Variants in TNS1 observed in about 807,000 individuals in gnomAD.
The protein encoded by TNS1 is tensin-1.
In TNS1, 62 loss-of-function variants were observed where a neutral mutation model predicts 168.6. The ratio of observed to expected loss-of-function variants is 0.37; its 90% confidence interval spans 0.30 to 0.45. The LOEUF is 0.45. TNS1 is among the 20% of genes least tolerant of loss of function. The pLI is 1.00. For missense variants in TNS1, 2,240 were observed against 2,339.4 expected (o/e 0.96, Z 0.88); for synonymous variants, 934 against 933.2 (o/e 1.00, Z -0.02).
At chr2:217,980,837 T>C (rs1958030875) in intron 2 of TNS1, among the ~76,000 whole-genome samples, 1 of 152,100 alleles carries the variant, frequency 6.6e-6, no homozygotes, top group South Asian at 2.1e-4. Flanking sequence ...GCACTTGCTG[T>C]GTCAGCTGCC....
chr2:217,976,038 GCT>G (rs2126040569), intron 3 of TNS1, among the ~76,000 whole-genome samples: 1 of 152,218 alleles, frequency 6.6e-6, no homozygotes, highest in South Asian at 2.1e-4. Flanking sequence ...CTTTGCACCT[GCT>G]CTTTCTCCTC....
intron 2 of TNS1, among the ~76,000 whole-genome samples, chr2:217,987,648 G>A (rs1002479250): frequency 6.6e-6 from 1 of 152,182 alleles, no homozygotes; most frequent in Non-Finnish European, 1.5e-5. Flanking sequence ...CAAGTCCCAT[G>A]GAGACTGGGA....
chr2:217,888,451 C>G (rs558144749), intron 12 of TNS1, among the ~76,000 whole-genome samples: 3 of 152,280 alleles, frequency 2.0e-5, no homozygotes, highest in East Asian at 3.9e-4. Flanking sequence ...AGGAGCCAGG[C>G]AGACACGCCC....
intron 6 of TNS1, among the ~76,000 whole-genome samples, chr2:217,900,882 A>C (rs1371719455): frequency 6.6e-6 from 1 of 152,230 alleles, no homozygotes; most frequent in East Asian, 1.9e-4. Flanking sequence ...CAGGAGGAGA[A>C]TACGACTGCC....
In TNS1 at chr2:217,973,199, A is replaced by G. The variant is rs1957812024; in HGVS notation, c.186+5566T>C. ...CGAGACCCTGTCTCTACAAAAAGTAAAAAGAAAATTAGCCAGGTGTGGTGG... is the reference window on the plus strand; with the variant it reads ...CGAGACCCTGTCTCTACAAAAAGTAGAAAGAAAATTAGCCAGGTGTGGTGG... On this transcript the variant is annotated intron_variant, in intron 3 of 32. Transcript: ENST00000682258. Among the ~76,000 whole-genome samples the G allele has an allele frequency of 1.3e-5, 2 of 151,908 alleles. 1 individual carries two copies. Among genetic ancestry groups the G allele is most frequent in the African/African-American group, 4.8e-5 (2 of 41,352 alleles).
chr2:218,003,003 C>T, upstream of TNS1: 1 of 447,464 alleles, frequency 2.2e-6, no homozygotes, highest in Non-Finnish European at 4.5e-6. Context: ...TCTGCTGGGC[C>T]TCTCGCCCTG....
At chr2:217,873,442 T>C (rs991805338) in intron 18 of TNS1, among the ~76,000 whole-genome samples, 1 of 152,088 alleles carries the variant, frequency 6.6e-6, no homozygotes, top group Non-Finnish European at 1.5e-5. Flanking sequence ...GCATGGAGGA[T>C]GTGAAAGACA....
intron 22 of TNS1, among the ~76,000 whole-genome samples, chr2:217,829,522 C>T (rs1304180792): frequency 6.6e-6 from 1 of 152,202 alleles, no homozygotes; most frequent in South Asian, 2.1e-4. Flanking sequence ...AGCTGCTGCA[C>T]ACCAGGCAGG....
At chr2:217,831,942 A>AACACACACAC (rs66652637) in intron 21 of TNS1, among the ~76,000 whole-genome samples, 2,528 of 146,252 alleles carry the variant, frequency 0.017, 36 homozygotes, top group African/African-American at 0.033. Flanking sequence ...ACCCTCACCC[A>AACACACACAC]ACACACACAC....
In TNS1 at chr2:217,893,400, G is replaced by GCACACACACACACACA. The variant is rs55877465; in HGVS notation, c.717+23_717+38dup. 93 of 1,462,226 alleles carry GCACACACACACACACA rather than the reference G, an allele frequency of 6.4e-5. No homozygotes were observed. The African/African-American group carries it at 1.2e-3, about 19-fold the overall frequency. The allele number at this position is 1,462,226 out of a possible 1,614,324, so 90.6% of individuals were successfully genotyped here. A position where few individuals can be genotyped will look rare whatever the true frequency, so the allele number is the denominator to read the frequency against. Reference sequence around the variant, plus strand: ...CACACATGTGCGCATGTGCGCGCGCGCACACACACACACACACACACACAC... The same window carrying GCACACACACACACACA: ...CACACATGTGCGCATGTGCGCGCGCGCACACACACACACACACACACACACACACACACACACACAC... On this transcript the variant is annotated intron_variant, in intron 10 of 32. Transcript: ENST00000682258.
At chr2:218,008,659 C>A (rs1015753637) in intron 1 of TNS1, among the ~76,000 whole-genome samples, 10 of 152,246 alleles carry the variant, frequency 6.6e-5, no homozygotes, top group African/African-American at 9.6e-5. Context: ...CTGCTGGCAC[C>A]TTTCCCCACT....
At chr2:217,881,219 A>C (rs1950652372) in intron 17 of TNS1, 1 of 575,732 alleles carries the variant, frequency 1.7e-6, no homozygotes, top group Admixed American at 3.1e-5. Context: ...ATTCTTGAAA[A>C]GGCTCATGCC....
intron 3 of TNS1, among the ~76,000 whole-genome samples, chr2:217,955,931 C>T (rs1019908432): frequency 1.3e-5 from 2 of 152,158 alleles, no homozygotes; most frequent in African/African-American, 4.8e-5. Flanking sequence ...AGGTAACGCT[C>T]CCACAAAATG....
intron 1 of TNS1, among the ~76,000 whole-genome samples, chr2:217,998,285 T>C (rs2105970689): frequency 6.6e-6 from 1 of 152,204 alleles, no homozygotes; most frequent in Admixed American, 6.5e-5. Context: ...TCTCTCTCTC[T>C]CTCTCTCTCC....
At position 217,804,981 on chromosome 2, in the gene TNS1, A is replaced by G. The variant is rs369655773; in HGVS notation, c.5376-378T>C. 7.7e-5 allele frequency among the ~76,000 whole-genome samples: 11 copies of G among 143,446 alleles called. No individual in the cohort carries two copies. The East Asian group carries it at 1.3e-3, about 17-fold the overall frequency. 94.1% of individuals were successfully genotyped at this position (143,446 alleles called of 152,430 possible). On this transcript the variant is annotated intron_variant, in intron 32 of 32. Transcript: ENST00000682258. ...AGCCCTACCCCTACTGACTGTTCTT[A>G]CACACAACACATATGCCAATCAGGA...
chr2:218,003,917 T>TG (rs1958620314), upstream of TNS1, among the ~76,000 whole-genome samples: 1 of 151,860 alleles, frequency 6.6e-6, no homozygotes. Flanking sequence ...GGACAATTGT[T>TG]GGGGGTCTAG....
intron 22 of TNS1, among the ~76,000 whole-genome samples, chr2:217,824,065 A>G (rs1187298230): frequency 1.3e-5 from 2 of 152,136 alleles, no homozygotes; most frequent in African/African-American, 4.8e-5. Flanking sequence ...GCTGGTGGGT[A>G]AGGCTGTCAC....
intron 3 of TNS1, among the ~76,000 whole-genome samples, chr2:217,947,869 C>T (rs1199583241): frequency 6.6e-6 from 1 of 152,178 alleles, no homozygotes; most frequent in African/African-American, 2.4e-5. Context: ...AACATTTAAG[C>T]TCCTGCCCCG....
At position 217,835,114 on chromosome 2, in the gene TNS1, G is replaced by A. The variant is rs749081810; in HGVS notation, c.3257C>T (p.Pro1086Leu). Residue 1086 changes from proline to leucine, a missense_variant, in exon 21 of 33, where the codon CCG becomes CTG. Transcript: ENST00000682258. ...ACCCCCACTGGGTGGTGGGCTGCTC[G>A]GGGAGGTTCCCTCCATCTCCTCGAA... ...EAFEEMEGTS[P>L]SSPPPSGVRS... 5.5e-5 allele frequency: 87 copies of A among 1,588,492 alleles called. No homozygotes were observed. The highest frequency in any genetic ancestry group is 6.5e-5 in the Non-Finnish European group (76 of 1,170,950).
Sources: gnomAD v4.1 joint callset for allele counts (sites outside exome capture counted in the v4.1 genomes callset) on GRCh38, gnomAD v4.1.1 for gene constraint, MANE v1.5 for transcripts, NCBI Gene and HGNC (gene_info 2026-07-23, HGNC 2026-07-21) for gene names.